CHAF1B: variants seen among roughly 807,000 people sequenced by gnomAD.
CHAF1B encodes the protein CAF-1 subunit B.
CHAF1B carries 10 observed loss-of-function variants against 60.7 expected under a neutral mutation model. The observed-to-expected ratio is 0.16, with a 90% CI of 0.10 to 0.28. The LOEUF (loss-of-function observed/expected upper bound fraction) is 0.28. Among genes scored for constraint, CHAF1B ranks in the 10% least tolerant of loss-of-function variants. The pLI is 1.00. For missense variants in CHAF1B, 558 were observed against 708.4 expected, an observed-to-expected ratio of 0.79 and a Z score of 2.41; for synonymous variants, 261 against 266.1, an observed-to-expected ratio of 0.98 and a Z score of 0.19.
At chr21:36,403,993 C>T (rs982843937) in intron 8 of CHAF1B, among the ~76,000 whole-genome samples, 1 of 152,094 alleles carries the variant, frequency 6.6e-6, no homozygotes, top group South Asian at 2.1e-4. Context: ...GTGCGAATGA[C>T]ACTTTGGCCC....
At chr21:36,385,643 C>T (rs564860683) in intron 1 of CHAF1B, among the ~76,000 whole-genome samples, 192 bp downstream of exon 1, 76 of 151,956 alleles carry the variant, frequency 5.0e-4, no homozygotes, top group African/African-American at 1.7e-3. Context: ...GCTTCCCGGG[C>T]CCAGCGCCCG....
chr21:36,405,689 C>T (rs920439160), intron 8 of CHAF1B, among the ~76,000 whole-genome samples: 2 of 152,032 alleles, frequency 1.3e-5, no homozygotes, highest in Admixed American at 1.3e-4. Flanking sequence ...CCTCGGCCTC[C>T]CAAAGAGCTG....
chr21:36,414,974 A>G (rs1417701116), intron 12 of CHAF1B, among the ~76,000 whole-genome samples: 1 of 152,224 alleles, frequency 6.6e-6, no homozygotes, highest in African/African-American at 2.4e-5. Context: ...TATAGAAACC[A>G]TATCTGACTG....
rs1436630124 is a variant in CHAF1B at position 36,411,075 on chromosome 21, C to G, written c.920-388C>G. Among the ~76,000 whole-genome samples the G allele has an allele frequency of 3.3e-5, 5 of 150,182 alleles. No homozygotes were observed. The East Asian group carries it at 9.7e-4, about 29-fold the overall frequency. ...ATTAGATACTAGACACTGACTTTTA[C>G]TTTAGTGGATGCTGGATGTATTTTT... On this transcript the variant is annotated intron_variant, in intron 10 of 13. Coordinates refer to ENST00000314103, the MANE Select transcript of CHAF1B (RefSeq NM_005441.3).
chr21:36,390,333 C>CAAAAGAAAA, intron 3 of CHAF1B, among the ~76,000 whole-genome samples: 1 of 81,922 alleles, frequency 1.2e-5, no homozygotes, highest in East Asian at 2.8e-4. Context: ...AACACCATCT[C>CAAAAGAAAA]AAAAAAAAAA....
chr21:36,397,296 C>T (rs2086148372), intron 5 of CHAF1B, 119 bp from the exon 6 acceptor site: 2 of 444,186 alleles, frequency 4.5e-6, no homozygotes, highest in Non-Finnish European at 4.0e-6. Flanking sequence ...CTCTCACTTA[C>T]TGCCTGCTGA....
chr21:36,386,294 C>T (rs1172188703), intron 2 of CHAF1B, 32 bp downstream of exon 2: 1 of 1,609,292 alleles, frequency 6.2e-7, no homozygotes, highest in Non-Finnish European at 8.5e-7. Flanking sequence ...CATCCGGGAA[C>T]ACTGCTTGAA....
chr21:36,409,858 T>G (rs2086263943), intron 10 of CHAF1B, among the ~76,000 whole-genome samples: 1 of 151,780 alleles, frequency 6.6e-6, no homozygotes, highest in Non-Finnish European at 1.5e-5. Flanking sequence ...CATGTCAGTT[T>G]TTTTTTTTTT....
At chr21:36,415,023 G>A (rs1362842959) in intron 12 of CHAF1B, among the ~76,000 whole-genome samples, 2 of 152,144 alleles carry the variant, frequency 1.3e-5, no homozygotes, top group African/African-American at 4.8e-5. Context: ...CAAGACCGTC[G>A]GTAATGAACA....
At position 36,416,512 on chromosome 21, in the gene CHAF1B, T is replaced by C. The variant is rs998354232; in HGVS notation, c.*146T>C. Reference sequence around the variant, plus strand: ...ATAACAGAAGTGACATGTGTACTGATTTTTCTCCAGAAATATGGATGCTGT... The same window carrying C: ...ATAACAGAAGTGACATGTGTACTGACTTTTCTCCAGAAATATGGATGCTGT... On this transcript the variant is annotated 3_prime_UTR_variant, in exon 14 of 14. Transcript: ENST00000314103. The C allele has an allele frequency of 1.1e-5, 6 of 550,070 alleles. No individual in the cohort carries two copies. In the East Asian group the frequency reaches 1.7e-4, roughly 16 times the overall value. The allele number at this position is 550,070 out of a possible 1,614,324, so 34.1% of individuals were successfully genotyped here. A position where few individuals can be genotyped will look rare whatever the true frequency, so the allele number is the denominator to read the frequency against.
chr21:36,401,602 A>G (rs1389028787), intron 7 of CHAF1B, among the ~76,000 whole-genome samples: 1 of 136,170 alleles, frequency 7.3e-6, no homozygotes, highest in African/African-American at 2.7e-5. Flanking sequence ...TATATATTTT[A>G]TATTATACAT....
At chr21:36,397,571 G>T in intron 6 of CHAF1B, 60 bp downstream of exon 6, 1 of 928,690 alleles carries the variant, frequency 1.1e-6, no homozygotes, top group South Asian at 1.8e-5. Context: ...ATTTTCTGAA[G>T]AGAGGTATTT....
At chr21:36,387,040 C>G (rs373289311) in intron 2 of CHAF1B, among the ~76,000 whole-genome samples, 69 of 152,122 alleles carry the variant, frequency 4.5e-4, no homozygotes, top group Non-Finnish European at 9.1e-4. Context: ...TTCATTTTCC[C>G]TAGATTATTG....
At position 36,404,290 on chromosome 21, in the gene CHAF1B, G is replaced by C. The variant is rs187874226; in HGVS notation, c.757+1439G>C. On this transcript the variant is annotated intron_variant, in intron 8 of 13. Coordinates refer to ENST00000314103, the MANE Select transcript of CHAF1B (RefSeq NM_005441.3). ...TAATTTTTGTATTTTTAGTAGAGAC[G>C]GGGTTTCACCATGTTGGTCAGGCTG... Among the ~76,000 whole-genome samples the C allele has an allele frequency of 7.0e-3, 1,053 of 150,630 alleles. 11 individuals carry two copies. Among genetic ancestry groups the C allele is most frequent in the African/African-American group, 0.024 (1,007 of 41,108 alleles).
At chr21:36,386,491 C>G (rs2086035809) in intron 2 of CHAF1B, among the ~76,000 whole-genome samples, 2 of 152,012 alleles carry the variant, frequency 1.3e-5, no homozygotes, top group Non-Finnish European at 2.9e-5. Flanking sequence ...GTAGGCCCAG[C>G]TACTTGGGAA....
chr21:36,400,466 A>C lies in CHAF1B; in HGVS notation c.663+861A>C, dbSNP rs543684768. On this transcript the variant is annotated intron_variant, in intron 7 of 13. Coordinates refer to ENST00000314103, the MANE Select transcript of CHAF1B (RefSeq NM_005441.3). ...AGCCTGGGTGACAAGAGCGAAACTC[A>C]GTCTCAAAATAAATAAATAAATAAA... Among the ~76,000 whole-genome samples, 15 of 152,118 alleles carry C rather than the reference A, an allele frequency of 9.9e-5. 1 individual carries two copies. The South Asian group carries it at 3.1e-3, about 32-fold the overall frequency.
At position 36,413,084 on chromosome 21, in the gene CHAF1B, C is replaced by CCA; in HGVS notation, c.1263_1264dup (p.Ser422ThrfsTer66). The CCA allele has an allele frequency of 6.2e-7, 1 of 1,614,164 alleles. No homozygotes were observed. Among genetic ancestry groups the CCA allele is most frequent in the Non-Finnish European group, 8.5e-7 (1 of 1,180,016 alleles). On this transcript the variant is annotated frameshift_variant, in exon 12 of 14. Coordinates refer to ENST00000314103, the MANE Select transcript of CHAF1B (RefSeq NM_005441.3). LOFTEE classifies it high-confidence loss of function. Reference sequence around the variant, plus strand: ...CCCAGACCGGTAGAGGGAACCCCTGCCAGCAGAACCCAAGACCCCAGCAGC... The same window carrying CCA: ...CCCAGACCGGTAGAGGGAACCCCTGCCACAGCAGAACCCAAGACCCCAGCAGC...
chr21:36,402,721 C>A (rs1601563807), intron 7 of CHAF1B, 37 bp from the exon 8 acceptor site: 2 of 1,548,824 alleles, frequency 1.3e-6, no homozygotes, highest in South Asian at 1.2e-5. Context: ...AGAAAACAAA[C>A]AAAAAAAATA....
rs999207693 is a variant in CHAF1B, at chr21:36,417,612, G to T, written c.*1246G>T. 5 of 152,070 alleles carry T rather than the reference G, an allele frequency of 3.3e-5. No homozygotes were observed. The highest frequency in any genetic ancestry group is 1.2e-4 in the African/African-American group (5 of 41,380). The allele number at this position is 152,070 out of a possible 1,614,324, so 9.4% of individuals were successfully genotyped here. Reference sequence around the variant, plus strand: ...CCCAAAGTGTTGGGATTACAGGTGTGAGCTACTGCACCTGGCCTAATTATT... The same window carrying T: ...CCCAAAGTGTTGGGATTACAGGTGTTAGCTACTGCACCTGGCCTAATTATT... On this transcript the variant is annotated 3_prime_UTR_variant, in exon 14 of 14. Coordinates refer to ENST00000314103, the MANE Select transcript of CHAF1B (RefSeq NM_005441.3).
Sources: allele counts gnomAD v4.1 joint callset (sites outside exome capture counted in the v4.1 genomes callset), GRCh38; gene constraint gnomAD v4.1.1; transcripts MANE v1.5; gene names NCBI Gene and HGNC (gene_info 2026-07-23, HGNC 2026-07-21).